Variants in DCDC1 observed in about 807,000 individuals in gnomAD.
DCDC1 encodes doublecortin domain containing 1.
In DCDC1, 200 loss-of-function variants were observed where a neutral mutation model predicts 178.3. That is an observed-to-expected ratio of 1.12 (90% CI 1.00 to 1.26). The LOEUF (loss-of-function observed/expected upper bound fraction) is 1.26, where lower values mean the gene tolerates loss of function less well. Ranked by LOEUF, DCDC1 falls within the 50% of genes most tolerant of loss-of-function variation. The probability of loss-of-function intolerance (pLI) is 0.00; values close to 1 mark genes in which losing one functional copy is unlikely to be tolerated. For missense variants in DCDC1, 1,983 were observed against 1,749.2 expected (o/e 1.13, Z -2.38); for synonymous variants, 690 against 604.8 (o/e 1.14, Z -2.07).
At chr11:31,359,357 T>G (rs1170401074) in intron 1 of DCDC1, among the ~76,000 whole-genome samples, 1 of 143,914 alleles carries the variant, frequency 6.9e-6, no homozygotes, top group Non-Finnish European at 1.5e-5. Context: ...CACCGCATAT[T>G]CTCACTCATA....
chr11:31,239,927 T>G (rs1976915024), intron 9 of DCDC1, among the ~76,000 whole-genome samples: 1 of 151,896 alleles, frequency 6.6e-6, no homozygotes, highest in Non-Finnish European at 1.5e-5. Flanking sequence ...TTTTACATGT[T>G]TAAGACAGTG....
intron 36 of DCDC1, chr11:30,883,528 G>A (rs1009473016): frequency 2.3e-6 from 1 of 440,234 alleles, no homozygotes; most frequent in Admixed American, 2.8e-5. Flanking sequence ...CCTAGGATAA[G>A]GCAAAGTTTA....
intron 25 of DCDC1, among the ~76,000 whole-genome samples, chr11:30,918,277 G>A (rs796686174): frequency 1.3e-4 from 20 of 152,224 alleles, no homozygotes; most frequent in African/African-American, 4.8e-4. Flanking sequence ...GTCAGTTTTA[G>A]AACAGTCATT....
At chr11:30,954,590 T>C (rs1048068616) in intron 20 of DCDC1, among the ~76,000 whole-genome samples, 15 of 152,178 alleles carry the variant, frequency 9.9e-5, no homozygotes, top group African/African-American at 3.6e-4. Flanking sequence ...AATTCCTAAA[T>C]CAGTATTAGC....
In DCDC1 at chr11:31,241,461, A is replaced by AT. The variant is rs1159404116; in HGVS notation, c.1209dup (p.Tyr404IlefsTer3). ...GAGGGATGACTCACCTGTTTATAAT[A>AT]TTTTTTTGCAGACTTTAATCGTTGG... On this transcript the variant is annotated frameshift_variant, in exon 9 of 39. Transcript: ENST00000684477. LOFTEE classifies it high-confidence loss of function. 2 of 397,052 alleles carry AT rather than the reference A, an allele frequency of 5.0e-6. No individual in the cohort carries two copies. The highest frequency in any genetic ancestry group is 3.6e-5 in the East Asian group (1 of 28,030). The allele number at this position is 397,052 out of a possible 1,614,324, so 24.6% of individuals were successfully genotyped here.
intron 7 of DCDC1, among the ~76,000 whole-genome samples, chr11:31,269,991 CA>C (rs1330025316): frequency 1.3e-5 from 2 of 152,140 alleles, no homozygotes; most frequent in African/African-American, 4.8e-5. Flanking sequence ...CCATCAGACC[CA>C]AAAATGTCAG....
At chr11:31,135,604 A>G (rs1237746140) in intron 10 of DCDC1, among the ~76,000 whole-genome samples, 1 of 152,176 alleles carries the variant, frequency 6.6e-6, no homozygotes, top group Non-Finnish European at 1.5e-5. Flanking sequence ...AGGCTATGGA[A>G]TATATTTAGA....
At chr11:31,244,991 T>A (rs1229550234) in intron 8 of DCDC1, among the ~76,000 whole-genome samples, 2 of 151,684 alleles carry the variant, frequency 1.3e-5, no homozygotes, top group African/African-American at 4.8e-5. Context: ...AACTAGTAGC[T>A]ATATTCATTT....
intron 35 of DCDC1, 108 bp from the exon 36 acceptor site, chr11:30,893,105 A>G (rs1943922034): frequency 3.1e-6 from 4 of 1,296,206 alleles, no homozygotes; most frequent in Admixed American, 2.6e-5. Flanking sequence ...AATTATATGG[A>G]AAAAATTTTA....
chr11:31,032,173 G>A (rs1383733602), intron 20 of DCDC1, among the ~76,000 whole-genome samples: 1 of 152,048 alleles, frequency 6.6e-6, no homozygotes, highest in Non-Finnish European at 1.5e-5. Flanking sequence ...ATAAATGAGA[G>A]GCCCACAAAG....
intron 8 of DCDC1, among the ~76,000 whole-genome samples, chr11:31,244,777 T>C (rs1977624455): frequency 6.6e-6 from 1 of 151,802 alleles, no homozygotes; most frequent in East Asian, 1.9e-4. Context: ...CCTGGAAAGG[T>C]GAAAAGTTAT....
At chr11:30,866,221 A>C (rs886931840) in intron 38 of DCDC1, among the ~76,000 whole-genome samples, 2 of 152,188 alleles carry the variant, frequency 1.3e-5, no homozygotes, top group African/African-American at 4.8e-5. Context: ...TTCTTAGTCT[A>C]TTCAGGTTTC....
In DCDC1 at chr11:31,345,931, G is replaced by A. The variant is rs149469266; in HGVS notation, c.-124-10367C>T. Among the ~76,000 whole-genome samples the A allele has an allele frequency of 9.6e-4, 146 of 152,266 alleles. 1 individual carries two copies. The highest frequency in any genetic ancestry group is 3.3e-3 in the Admixed American group (50 of 15,294). ...CAGGCAATGCTTGTCATCATGAGAT[G>A]AAAAGACAAAGGGAAGTTTATAGGA... On this transcript the variant is annotated intron_variant, in intron 1 of 38. Transcript: ENST00000684477.
intron 9 of DCDC1, among the ~76,000 whole-genome samples, chr11:31,184,918 C>T (rs1299139651): frequency 1.3e-5 from 2 of 152,072 alleles, no homozygotes; most frequent in African/African-American, 2.4e-5. Context: ...GGTATATACC[C>T]AAAGGTTTAT....
intron 5 of DCDC1, 32 bp downstream of exon 5, chr11:31,306,199 AT>A: frequency 6.9e-7 from 1 of 1,438,868 alleles, no homozygotes; most frequent in Non-Finnish European, 9.2e-7. Flanking sequence ...GGGAAAAAAA[AT>A]AAAGCACAGA....
intron 9 of DCDC1, among the ~76,000 whole-genome samples, chr11:31,181,982 A>G (rs939002816): frequency 3.9e-5 from 6 of 152,304 alleles, no homozygotes; most frequent in Middle Eastern, 3.4e-3. Context: ...AAGTTGAAGA[A>G]AGGATATGAG....
intron 20 of DCDC1, among the ~76,000 whole-genome samples, chr11:30,962,739 C>T (rs547980520): frequency 2.6e-5 from 4 of 152,130 alleles, no homozygotes; most frequent in African/African-American, 9.6e-5. Flanking sequence ...TAACATAAGT[C>T]TTTTACCTGC....
rs1018392775 is a variant in DCDC1, at chr11:30,878,565, C to G, written c.*19G>C. On this transcript the variant is annotated 3_prime_UTR_variant, in exon 38 of 39. Transcript: ENST00000684477. The stretch of plus-strand genomic sequence containing the variant: ...ATACCAGAAAAATACAGCAGAAAAT[C>G]CGATGGTTCTGATAGGAGTTAATTG... 2.5e-6 allele frequency: 4 copies of G among 1,577,244 alleles called. No individual in the cohort carries two copies. Among genetic ancestry groups the G allele is most frequent in the Non-Finnish European group, 3.4e-6 (4 of 1,166,890 alleles).
chr11:31,214,211 A>G (rs1973238929), intron 9 of DCDC1, among the ~76,000 whole-genome samples: 1 of 152,168 alleles, frequency 6.6e-6, no homozygotes, highest in Non-Finnish European at 1.5e-5. Context: ...ATAATTAGAA[A>G]TGTGTGCATA....
Sources: gnomAD v4.1 joint callset for allele counts (sites outside exome capture counted in the v4.1 genomes callset) on GRCh38, gnomAD v4.1.1 for gene constraint, MANE v1.5 for transcripts, NCBI Gene and HGNC (gene_info 2026-07-23, HGNC 2026-07-21) for gene names.